Variants in MYCBP2 observed in about 807,000 individuals in gnomAD.
The protein encoded by MYCBP2 is E3 ubiquitin-protein ligase MYCBP2.
In MYCBP2, 120 loss-of-function variants were observed where a neutral mutation model predicts 525.3. The ratio of observed to expected loss-of-function variants is 0.23; its 90% CI spans 0.20 to 0.27. The LOEUF is 0.27. Among genes scored for constraint, MYCBP2 ranks in the 10% least tolerant of loss-of-function variants. MYCBP2 has a pLI of 1.00. For synonymous variants in MYCBP2, 1,894 were observed against 1,955.8 expected, an observed-to-expected ratio of 0.97 and a Z score of 0.83; for missense variants, 4,149 against 5,657.1, an observed-to-expected ratio of 0.73 and a Z score of 8.55.
chr13:77,076,993 A>G (rs2042428479), intron 67 of MYCBP2, 144 bp from the exon 68 acceptor site: 1 of 1,149,446 alleles, frequency 8.7e-7, no homozygotes, highest in South Asian at 1.5e-5. Flanking sequence ...TACAAATGCA[A>G]CATGGAACTC....
At chr13:77,157,868 C>T in intron 45 of MYCBP2, 69 bp downstream of exon 45, 2 of 1,278,070 alleles carry the variant, frequency 1.6e-6, no homozygotes, top group Non-Finnish European at 2.2e-6. Context: ...ATTCTAATGA[C>T]TCCCCTCTTT....
At chr13:77,252,762 C>T (rs1291152071) in intron 14 of MYCBP2, among the ~76,000 whole-genome samples, 2 of 151,978 alleles carry the variant, frequency 1.3e-5, no homozygotes, top group African/African-American at 4.8e-5. Flanking sequence ...ATTAGATAAC[C>T]AAGCATCAGC....
intron 51 of MYCBP2, among the ~76,000 whole-genome samples, chr13:77,139,803 G>A (rs1368019622): frequency 6.6e-6 from 1 of 152,124 alleles, no homozygotes; most frequent in Non-Finnish European, 1.5e-5. Flanking sequence ...TACATGTACA[G>A]GTTCTGAATA....
rs73239487 is a variant in MYCBP2 at position 77,119,700 on chromosome 13, C to A, written c.8140+1673G>T. ...TCTAAATATTTTAAAAGCTTGTTAA[C>A]AAGAGTAGGCTTATTATTAATATTT... On this transcript the variant is annotated intron_variant, in intron 55 of 82. Coordinates refer to ENST00000544440, the MANE Select transcript of MYCBP2 (RefSeq NM_015057.5). Among the ~76,000 whole-genome samples the A allele has an allele frequency of 2.8e-3, 430 of 152,206 alleles. 3 individuals are homozygous for A. The highest frequency in any genetic ancestry group is 0.014 in the Middle Eastern group (4 of 294).
At position 77,296,668 on chromosome 13, in the gene MYCBP2, C is replaced by A; in HGVS notation, c.309G>T (p.Lys103Asn). Reference protein sequence around the residue: ...GSAGHPASRNKKILNKKKLKR... With the variant: ...GSAGHPASRNNKILNKKKLKR... The stretch of plus-strand genomic sequence containing the variant: ...TCAATTTCTTCTTATTTAAAATTTT[C>A]TTATTCCTAAATATTAAAAGAAAAA... Residue 103 changes from lysine to asparagine, a missense_variant, in exon 2 of 83, where the codon AAG becomes AAT. This residue lies in a region of MYCBP2 where 413 missense variants were observed against 451.2 expected (regional missense o/e 0.92). Transcript: ENST00000544440. 2.1e-6 allele frequency: 3 copies of A among 1,426,540 alleles called. No individual in the cohort carries two copies. 88.4% of individuals were successfully genotyped at this position (1,426,540 alleles called of 1,614,324 possible).
At chr13:77,086,797 T>G (rs2044368011) in intron 62 of MYCBP2, among the ~76,000 whole-genome samples, 1 of 152,114 alleles carries the variant, frequency 6.6e-6, no homozygotes, top group Admixed American at 6.5e-5. Context: ...CATCATTCTC[T>G]TATATTTAGC....
At chr13:77,178,080 T>C in intron 34 of MYCBP2, 126 bp from the exon 35 acceptor site, 1 of 639,698 alleles carries the variant, frequency 1.6e-6, no homozygotes, top group Non-Finnish European at 2.8e-6. Context: ...CCTAAAGGTA[T>C]GTTCTACTGA....
At chr13:77,311,208 G>A (rs1190849416) in intron 1 of MYCBP2, among the ~76,000 whole-genome samples, 1 of 152,184 alleles carries the variant, frequency 6.6e-6, no homozygotes, top group African/African-American at 2.4e-5. Flanking sequence ...AAACTGATAT[G>A]ATGGAAAATG....
In MYCBP2 at chr13:77,274,807, T is replaced by C. The variant is rs533622353; in HGVS notation, c.749-1139A>G. Among the ~76,000 whole-genome samples, 23 of 152,320 alleles carry C rather than the reference T, an allele frequency of 1.5e-4. No individual in the cohort carries two copies. The South Asian group carries it at 3.5e-3, about 23-fold the overall frequency. On this transcript the variant is annotated intron_variant, in intron 4 of 82. Transcript: ENST00000544440. ...GGAGAATTTCAAACCAAAAATCTGA[T>C]TGTCTACTTAAAATTCTTTCACTCC...
intron 43 of MYCBP2, among the ~76,000 whole-genome samples, chr13:77,162,844 A>G (rs1397338975): frequency 1.3e-5 from 2 of 152,020 alleles, no homozygotes; most frequent in African/African-American, 4.8e-5. Context: ...TTTAGTAGAG[A>G]CGGGGTTTCA....
chr13:77,145,539 T>C (rs999434319), intron 48 of MYCBP2, among the ~76,000 whole-genome samples: 10 of 152,160 alleles, frequency 6.6e-5, no homozygotes, highest in Admixed American at 5.9e-4. Context: ...ATTTTCCCCA[T>C]GAGTTTCAAA....
At chr13:77,243,516 G>A (rs575024323) in intron 16 of MYCBP2, among the ~76,000 whole-genome samples, 21 of 151,880 alleles carry the variant, frequency 1.4e-4, no homozygotes, top group Non-Finnish European at 2.4e-4. Context: ...GGGAGGCCGA[G>A]ATGGGACAAT....
chr13:77,217,657 A>C (rs2065009127), intron 21 of MYCBP2, among the ~76,000 whole-genome samples, 183 bp downstream of exon 21: 1 of 152,148 alleles, frequency 6.6e-6, no homozygotes. Context: ...AGAGAGGAAA[A>C]TTACTTCAAA....
In MYCBP2 at chr13:77,168,666, A is replaced by G. The variant is rs1425689030; in HGVS notation, c.5896-20T>C. On this transcript the variant is annotated intron_variant, in intron 39 of 82. Coordinates refer to ENST00000544440, the MANE Select transcript of MYCBP2 (RefSeq NM_015057.5). Reference sequence around the variant, plus strand: ...AGCCACCTAGTACACATATAAAAATATGGTTAAATGAGATACACGTGAAAG... The same window carrying G: ...AGCCACCTAGTACACATATAAAAATGTGGTTAAATGAGATACACGTGAAAG... 8.7e-6 allele frequency: 14 copies of G among 1,606,664 alleles called. No individual in the cohort carries two copies. The highest frequency in any genetic ancestry group is 1.2e-5 in the Non-Finnish European group (14 of 1,173,714).
intron 19 of MYCBP2, 96 bp downstream of exon 19, chr13:77,225,337 AAC>A: frequency 6.6e-7 from 1 of 1,504,746 alleles, no homozygotes; most frequent in Non-Finnish European, 9.1e-7. Context: ...TACAGCTTTT[AAC>A]ACACAGTTAA....
chr13:77,203,420 C>T (rs61964706), intron 26 of MYCBP2, among the ~76,000 whole-genome samples: 3 of 152,188 alleles, frequency 2.0e-5, no homozygotes, highest in South Asian at 4.2e-4. Flanking sequence ...GGAAGAACAT[C>T]CCATGCTCAT....
At chr13:77,078,585 T>C (rs551411960) in intron 66 of MYCBP2, among the ~76,000 whole-genome samples, 2 of 152,270 alleles carry the variant, frequency 1.3e-5, no homozygotes, top group South Asian at 4.1e-4. Context: ...AGGGAGACTG[T>C]AGGTACAATA....
At chr13:77,077,481 C>T (rs982246650) in intron 66 of MYCBP2, 94 bp from the exon 67 acceptor site, 2 of 1,431,392 alleles carry the variant, frequency 1.4e-6, no homozygotes, top group Non-Finnish European at 1.9e-6. Flanking sequence ...GCTCAAATAA[C>T]AAAGAATTGC....
chr13:77,224,198 A>G (rs1426337274), intron 20 of MYCBP2, among the ~76,000 whole-genome samples: 1 of 152,212 alleles, frequency 6.6e-6, no homozygotes, highest in Non-Finnish European at 1.5e-5. Flanking sequence ...TGTGACAATC[A>G]TAATCACTCT....
Sources: gnomAD v4.1 joint callset for allele counts (sites outside exome capture counted in the v4.1 genomes callset) on GRCh38, gnomAD v4.1.1 for gene constraint, gnomAD v4.1.1 regional missense constraint, MANE v1.5 for transcripts, NCBI Gene and HGNC (gene_info 2026-07-23, HGNC 2026-07-21) for gene names.